The following TPR variants were observed in gnomAD, a reference collection of about 807,000 sequenced individuals.
TPR encodes nucleoprotein TPR.
TPR carries 51 observed loss-of-function variants against 316.1 expected under a neutral mutation model. The ratio of observed to expected loss-of-function variants is 0.16; its 90% CI spans 0.13 to 0.20. TPR has a LOEUF of 0.20. Among genes scored for constraint, TPR ranks in the 10% least tolerant of loss-of-function variants. TPR has a pLI of 1.00. For missense variants in TPR, 2,272 were observed against 2,754.8 expected (o/e 0.82, Z 3.92); for synonymous variants, 981 against 914.7 (o/e 1.07, Z -1.31).
chr1:186,327,305 TAATATA>T (rs1557994253), intron 40 of TPR, among the ~76,000 whole-genome samples, 149 bp downstream of exon 40: 17 of 71,072 alleles, frequency 2.4e-4, no homozygotes, highest in Non-Finnish European at 3.3e-4. Context: ...ATATAATATA[TAATATA>T]TTAAATATAT....
intron 11 of TPR, 135 bp from the exon 12 acceptor site, chr1:186,360,131 G>T: frequency 7.7e-7 from 1 of 1,291,102 alleles, no homozygotes; most frequent in Non-Finnish European, 1.1e-6. Flanking sequence ...ACAGCACTAG[G>T]AACCAAAGAA....
chr1:186,362,524 C>G (rs1659226993), intron 6 of TPR, 144 bp from the exon 7 acceptor site: 2 of 667,070 alleles, frequency 3.0e-6, no homozygotes, highest in Non-Finnish European at 2.5e-6. Context: ...TTTAAGAAAA[C>G]TAAGAGTAAC....
At chr1:186,317,394 G>T (rs762793741) in intron 49 of TPR, 88 bp downstream of exon 49, 2 of 1,008,768 alleles carry the variant, frequency 2.0e-6, no homozygotes, top group African/African-American at 1.6e-5. Context: ...AGGAAAAAAG[G>T]ATTATTAATT....
At chr1:186,360,168 T>C in intron 11 of TPR, 105 bp downstream of exon 11, 1 of 1,378,864 alleles carries the variant, frequency 7.3e-7, no homozygotes, top group East Asian at 2.4e-5. Flanking sequence ...ATCCACTAAT[T>C]ATAAGATGAT....
In TPR at chr1:186,327,015, T is replaced by C. The variant is rs185257746; in HGVS notation, c.5889+445A>G. Among the ~76,000 whole-genome samples the C allele has an allele frequency of 5.9e-3, 343 of 58,056 alleles. 11 individuals carry two copies. The highest frequency in any genetic ancestry group is 0.018 in the South Asian group (42 of 2,390). The allele number at this position is 58,056 out of a possible 152,430, so 38.1% of individuals were successfully genotyped here. A position where few individuals can be genotyped will look rare whatever the true frequency, so the allele number is the denominator to read the frequency against. On this transcript the variant is annotated intron_variant, in intron 40 of 50. Coordinates refer to ENST00000367478, the MANE Select transcript of TPR (RefSeq NM_003292.3). Reference sequence around the variant, plus strand: ...AATATATAATATATTAAATATATAATATATATATTATATATATAAATATAT... The same window carrying C: ...AATATATAATATATTAAATATATAACATATATATTATATATATAAATATAT...
intron 15 of TPR, 35 bp downstream of exon 15, chr1:186,356,250 TA>T: frequency 6.5e-7 from 1 of 1,532,090 alleles, no homozygotes; most frequent in Non-Finnish European, 8.8e-7. Context: ...TATACATTTC[TA>T]AATTATTCCT....
At chr1:186,329,693 A>C (rs1658102186) in intron 39 of TPR, among the ~76,000 whole-genome samples, 1 of 152,182 alleles carries the variant, frequency 6.6e-6, no homozygotes, top group African/African-American at 2.4e-5. Flanking sequence ...GTACTACATA[A>C]TCATCTGAAG....
chr1:186,312,782 T>C lies in TPR; in HGVS notation c.*1189A>G. 5 of 1,613,114 alleles carry C rather than the reference T, an allele frequency of 3.1e-6. No homozygotes were observed. The highest frequency in any genetic ancestry group is 4.2e-6 in the Non-Finnish European group (5 of 1,179,110). ...TGCCACTTACAGGTGTCCTTCATAATGAAGTTAAAGTGAGTATACTGTGGA... is the reference window on the plus strand; with the variant it reads ...TGCCACTTACAGGTGTCCTTCATAACGAAGTTAAAGTGAGTATACTGTGGA... On this transcript the variant is annotated 3_prime_UTR_variant, in exon 51 of 51. Transcript: ENST00000367478.
In TPR at chr1:186,331,489, T is replaced by G. The variant is rs1267962524; in HGVS notation, c.5688+9A>C. ...AACGGTGTGGTACTTTAGGTATGTTTTTACTTACTTCTCCAATGGAATCTT... is the reference window on the plus strand; with the variant it reads ...AACGGTGTGGTACTTTAGGTATGTTGTTACTTACTTCTCCAATGGAATCTT... On this transcript the variant is annotated intron_variant, in intron 39 of 50. Coordinates refer to ENST00000367478, the MANE Select transcript of TPR (RefSeq NM_003292.3). 1 of 1,601,142 alleles carries G rather than the reference T, an allele frequency of 6.2e-7. No homozygotes were observed. The highest frequency in any genetic ancestry group is 1.3e-5 in the African/African-American group (1 of 74,512).
intron 2 of TPR, among the ~76,000 whole-genome samples, chr1:186,371,783 T>C (rs949948761): frequency 6.6e-6 from 1 of 152,172 alleles, no homozygotes; most frequent in Non-Finnish European, 1.5e-5. Flanking sequence ...CCATTAAATG[T>C]GTCTAAATTT....
Position 186,361,661 on chromosome 1 carries a change from C to T in TPR, c.919G>A (p.Val307Ile), listed in dbSNP as rs759470568. 8 of 1,613,260 alleles carry T rather than the reference C, an allele frequency of 5.0e-6. No homozygotes were observed. Among genetic ancestry groups the T allele is most frequent in the Non-Finnish European group, 5.9e-6 (7 of 1,179,470 alleles). Reference protein sequence around the residue: ...EAKSNELTRAVEELHKLLKEA... With the variant: ...EAKSNELTRAIEELHKLLKEA... The stretch of plus-strand genomic sequence containing the variant: ...TTCAAAAGTTTGTGTAGTTCCTCTA[C>T]TGCCCGGGTTAGTTCATTGCTCTTT... Residue 307 changes from valine to isoleucine, a missense_variant, in exon 9 of 51, where the codon GTA (valine) becomes ATA (isoleucine). Around this residue, in one of 10 missense-constraint regions of TPR, gnomAD observed 549 missense variants for 598.6 expected, o/e 0.92. Coordinates refer to ENST00000367478, the MANE Select transcript of TPR (RefSeq NM_003292.3).
At chr1:186,360,996 C>T in intron 9 of TPR, 91 bp from the exon 10 acceptor site, 1 of 1,294,152 alleles carries the variant, frequency 7.7e-7, no homozygotes, top group South Asian at 1.5e-5. Context: ...CTCCCCTCAG[C>T]AGATAATATT....
intron 20 of TPR, 49 bp downstream of exon 20, chr1:186,351,281 T>C: frequency 6.6e-7 from 1 of 1,525,272 alleles, no homozygotes; most frequent in Non-Finnish European, 8.8e-7. Flanking sequence ...ACCAGATTAA[T>C]TACTGAACAT....
chr1:186,355,904 G>A, intron 15 of TPR, 136 bp from the exon 16 acceptor site: 1 of 1,079,824 alleles, frequency 9.3e-7, no homozygotes, highest in Non-Finnish European at 1.3e-6. Context: ...GATTATAGGA[G>A]TTTTTAAATA....
intron 50 of TPR, 171 bp downstream of exon 50, chr1:186,314,458 C>A: frequency 2.2e-6 from 1 of 460,998 alleles, no homozygotes; most frequent in South Asian, 3.6e-5. Flanking sequence ...GTATACAAAT[C>A]TGTCTACATG....
rs1659140279 is a variant in TPR at position 186,360,131 on chromosome 1, G to A, written c.1192-135C>T. The A allele has an allele frequency of 4.6e-6, 6 of 1,291,108 alleles. No individual in the cohort carries two copies. In the South Asian group the frequency reaches 8.0e-5, roughly 17 times the overall value. 80.0% of individuals were successfully genotyped at this position (1,291,108 alleles called of 1,614,324 possible). The stretch of plus-strand genomic sequence containing the variant: ...TACTATGTTAGTTACACAGCACTAG[G>A]AACCAAAGAAAGCCTTTCCTAGAAT... On this transcript the variant is annotated intron_variant, in intron 11 of 50. Transcript: ENST00000367478.
At chr1:186,333,704 C>T (rs1443658228) in intron 36 of TPR, among the ~76,000 whole-genome samples, 1 of 152,160 alleles carries the variant, frequency 6.6e-6, no homozygotes, top group East Asian at 1.9e-4. Flanking sequence ...CATTAAGCAT[C>T]ATTTAGTTTT....
chr1:186,327,174 T>TAA (rs1557993338), intron 40 of TPR, among the ~76,000 whole-genome samples: 14 of 194 alleles, frequency 0.072, 1 homozygote, highest in Non-Finnish European at 0.14. Flanking sequence ...ACATATATAT[T>TAA]ATATATATAA....
chr1:186,331,516 A>G lies in TPR; in HGVS notation c.5670T>C (p.Ser1890=). The change falls in exon 39 of 51, where the codon TCT becomes TCC. Residue 1890 remains serine, a synonymous_variant. Transcript: ENST00000367478. ...TACTTACTTCTCCAATGGAATCTTG[A>G]GAATCCTGGTTGTATACCTGAGTCT... ...EVETQVYNQD[S]QDSIGEGVTQ... The G allele has an allele frequency of 6.2e-7, 1 of 1,608,256 alleles. No individual in the cohort carries two copies. Among genetic ancestry groups the G allele is most frequent in the Non-Finnish European group, 8.5e-7 (1 of 1,177,192 alleles).
Sources: gnomAD v4.1 joint callset for allele counts (sites outside exome capture counted in the v4.1 genomes callset) on GRCh38, gnomAD v4.1.1 for gene constraint, gnomAD v4.1.1 regional missense constraint, MANE v1.5 for transcripts, NCBI Gene and HGNC (gene_info 2026-07-23, HGNC 2026-07-21) for gene names.